DMXL1: variants seen among roughly 807,000 people sequenced by gnomAD.
DMXL1 encodes the protein Dmx like 1.
Under a neutral mutation model 319.2 loss-of-function variants are expected in DMXL1, and 99 were observed. The observed-to-expected ratio is 0.31, with a 90% CI of 0.26 to 0.37. The LOEUF is 0.37. DMXL1 is among the 10% of genes least tolerant of loss of function. DMXL1 has a pLI of 1.00. For missense variants in DMXL1, 3,745 were observed against 3,595.6 expected (o/e 1.04, Z -1.06); for synonymous variants, 1,385 against 1,235.2 (o/e 1.12, Z -2.54).
chr5:119,150,430 A>G lies in DMXL1; in HGVS notation c.4594+9A>G, dbSNP rs1175525698. ...CCGAGACAGAAGCCAAGGTAAAACT[A>G]AACTCCGTACTGATAACATTTTTAC... On this transcript the variant is annotated intron_variant, in intron 18 of 43. Transcript: ENST00000539542. The G allele has an allele frequency of 6.2e-7, 1 of 1,605,860 alleles. No homozygotes were observed. Among genetic ancestry groups the G allele is most frequent in the South Asian group, 1.1e-5 (1 of 89,846 alleles).
intron 38 of DMXL1, among the ~76,000 whole-genome samples, chr5:119,228,097 C>T (rs1156333124): frequency 6.6e-6 from 1 of 152,180 alleles, no homozygotes; most frequent in Non-Finnish European, 1.5e-5. Flanking sequence ...TATTCAGCCT[C>T]TCATACTTAA....
rs1053590683 is a variant in DMXL1 at position 119,175,149 on chromosome 5, A to C, written c.6682-112A>C. 1.0e-5 allele frequency: 7 copies of C among 680,318 alleles called. No homozygotes were observed. In the African/African-American group the frequency reaches 1.1e-4, roughly 11 times the overall value. 42.1% of individuals were successfully genotyped at this position (680,318 alleles called of 1,614,324 possible). ...AAAAAGGAAATAGTTCATGAAGGCAAAGAATCAAAAATTTTTTCATTCTTT... is the reference window on the plus strand; with the variant it reads ...AAAAAGGAAATAGTTCATGAAGGCACAGAATCAAAAATTTTTTCATTCTTT... On this transcript the variant is annotated intron_variant, in intron 25 of 43. Coordinates refer to ENST00000539542, the MANE Select transcript of DMXL1 (RefSeq NM_001290321.3).
At chr5:119,223,832 T>G (rs568661596) in intron 37 of DMXL1, among the ~76,000 whole-genome samples, 1 of 152,286 alleles carries the variant, frequency 6.6e-6, no homozygotes, top group East Asian at 1.9e-4. Context: ...TTTCTTTAAT[T>G]AAGAAGAACA....
chr5:119,085,270 G>A (rs936099587), intron 1 of DMXL1, among the ~76,000 whole-genome samples: 2 of 151,890 alleles, frequency 1.3e-5, no homozygotes, highest in African/African-American at 2.4e-5. Context: ...GGCAGAGGCT[G>A]CAGTGAACCA....
chr5:119,164,653 A>G lies in DMXL1; in HGVS notation c.4849A>G (p.Ile1617Val), dbSNP rs1012096607. Reference protein sequence around the residue: ...GVGWWVRNTRILRKCIEKVAK... With the variant: ...GVGWWVRNTRVLRKCIEKVAK... ...GGGGTGGTGGGTCCGGAATACCCGC[A>G]TCTTACGCAAATGCATAGAAAAAGT... The change falls in exon 20 of 44, where the codon ATC becomes GTC. Residue 1617 changes from isoleucine to valine, a missense_variant. Ile to Val is a conservative substitution (Grantham distance 29). Coordinates refer to ENST00000539542, the MANE Select transcript of DMXL1 (RefSeq NM_001290321.3). 5.6e-6 allele frequency: 9 copies of G among 1,601,846 alleles called. No homozygotes were observed. The highest frequency in any genetic ancestry group is 7.7e-6 in the Non-Finnish European group (9 of 1,172,394).
chr5:119,163,612 G>A (rs1437903769), intron 19 of DMXL1, among the ~76,000 whole-genome samples: 4 of 151,180 alleles, frequency 2.6e-5, no homozygotes, highest in East Asian at 1.9e-4. Context: ...TTTTGAAGAC[G>A]GAGTCTCACT....
intron 9 of DMXL1, among the ~76,000 whole-genome samples, chr5:119,123,008 G>C (rs1762552121): frequency 6.6e-6 from 1 of 152,146 alleles, no homozygotes; most frequent in African/African-American, 2.4e-5. Context: ...CTCCAGCCTG[G>C]GCACCATTGA....
chr5:119,130,035 CTG>C (rs1232808917), intron 10 of DMXL1, among the ~76,000 whole-genome samples: 18 of 151,932 alleles, frequency 1.2e-4, no homozygotes, highest in South Asian at 2.1e-4. Context: ...AAGTAAGAAA[CTG>C]TGGTGTGCAG....
At chr5:119,110,323 G>A in intron 5 of DMXL1, 40 bp downstream of exon 5, 1 of 1,466,008 alleles carries the variant, frequency 6.8e-7, no homozygotes, top group East Asian at 2.6e-5. Context: ...TAAACCTGTT[G>A]TTCTATGTGG....
intron 13 of DMXL1, among the ~76,000 whole-genome samples, chr5:119,135,623 G>T (rs554582374): frequency 3.3e-5 from 5 of 152,152 alleles, no homozygotes; most frequent in Admixed American, 2.0e-4. Flanking sequence ...TGGATCATGG[G>T]GGCAGTTCTC....
chr5:119,105,749 T>C (rs1449127500), intron 4 of DMXL1, among the ~76,000 whole-genome samples: 11 of 151,924 alleles, frequency 7.2e-5, no homozygotes, highest in Admixed American at 7.2e-4. Context: ...TACAAAAAAT[T>C]AGCTGGGCAT....
At chr5:119,111,966 A>AT (rs1293661654) in intron 5 of DMXL1, among the ~76,000 whole-genome samples, 6,624 of 147,924 alleles carry the variant, frequency 0.045, 319 homozygotes, top group African/African-American at 0.13. Context: ...TATTATCTTT[A>AT]TTTTTTTTTT....
chr5:119,178,119 C>T lies in DMXL1; in HGVS notation c.7010C>T (p.Thr2337Ile). Residue 2337 changes from threonine (T) to isoleucine (I), a missense_variant, in exon 28 of 44, where the codon ACA becomes ATA. By Grantham distance (89) the Thr-to-Ile change is moderately conservative. Coordinates refer to ENST00000539542, the MANE Select transcript of DMXL1 (RefSeq NM_001290321.3). ...AGTCTCTTCATCCATGGCCTGGCCA[C>T]ACATTCAAGTAATGAGCTATTTCGG... ...YLSLFIHGLA[T>I]HSSNELFRIV... The T allele has an allele frequency of 6.2e-7, 1 of 1,613,992 alleles. No individual in the cohort carries two copies. Among genetic ancestry groups the T allele is most frequent in the Non-Finnish European group, 8.5e-7 (1 of 1,179,880 alleles).
intron 14 of DMXL1, 73 bp downstream of exon 14, chr5:119,144,003 TTAATG>T: frequency 1.1e-6 from 1 of 930,828 alleles, no homozygotes; most frequent in African/African-American, 1.7e-5. Context: ...AATCTATATA[TTAATG>T]TAATTTGAAA....
At position 119,179,995 on chromosome 5, in the gene DMXL1, T is replaced by C. The variant is rs143117821; in HGVS notation, c.7135+1751T>C. On this transcript the variant is annotated intron_variant, in intron 28 of 43. Coordinates refer to ENST00000539542, the MANE Select transcript of DMXL1 (RefSeq NM_001290321.3). ...TCACAACTATTTAGTTCTGCCCTTGTAGCACAAAGGCAGCCATAGACCATT... is the reference window on the plus strand; with the variant it reads ...TCACAACTATTTAGTTCTGCCCTTGCAGCACAAAGGCAGCCATAGACCATT... Among the ~76,000 whole-genome samples the C allele has an allele frequency of 5.5e-3, 837 of 152,320 alleles. 11 individuals carry two copies. Among genetic ancestry groups the C allele is most frequent in the African/African-American group, 0.019 (792 of 41,576 alleles).
At chr5:119,130,379 G>T (rs1476806994) in intron 10 of DMXL1, among the ~76,000 whole-genome samples, 1 of 151,358 alleles carries the variant, frequency 6.6e-6, no homozygotes, top group Non-Finnish European at 1.5e-5. Context: ...GTCTTGCTCT[G>T]TCACCCAGGC....
Position 119,240,414 on chromosome 5 carries a change from T to C in DMXL1, c.8652-5T>C, listed in dbSNP as rs1561948797. 7.5e-6 allele frequency: 12 copies of C among 1,589,726 alleles called. No homozygotes were observed. The highest frequency in any genetic ancestry group is 3.5e-5 in the Admixed American group (2 of 56,422). Reference sequence around the variant, plus strand: ...CTCAGAAGTAATCTTTTTTTTTTTTTCCAGAAACGTATGTTTGTGGGATAC... The same window carrying C: ...CTCAGAAGTAATCTTTTTTTTTTTTCCCAGAAACGTATGTTTGTGGGATAC... On this transcript the variant is annotated splice_polypyrimidine_tract_variant and splice_region_variant and intron_variant, in intron 41 of 43. Transcript: ENST00000539542.
rs372297816 is a variant in DMXL1, at chr5:119,165,206, A to G, written c.4896A>G (p.Arg1632=). Residue 1632 remains arginine (R), a synonymous_variant, in exon 21 of 44, where the codon AGA becomes AGG. Coordinates refer to ENST00000539542, the MANE Select transcript of DMXL1 (RefSeq NM_001290321.3). ...AGGTAGCTAAAGCAGCCTTTTATAG[A>G]AAGAATGATCCTTTAGATGCTGCCA... ...IEKVAKAAFY[R]KNDPLDAAIF... is the part of the protein sequence containing the mutation. 28 of 1,600,522 alleles carry G rather than the reference A, an allele frequency of 1.7e-5. No homozygotes were observed. Among genetic ancestry groups the G allele is most frequent in the Admixed American group, 1.0e-4 (6 of 57,438 alleles).
At chr5:119,187,674 T>G (rs1435787536) in intron 28 of DMXL1, among the ~76,000 whole-genome samples, 1 of 152,216 alleles carries the variant, frequency 6.6e-6, no homozygotes, top group African/African-American at 2.4e-5. Context: ...TTGTTGTTGT[T>G]GTTTTTGAGA....
Sources: allele counts gnomAD v4.1 joint callset (sites outside exome capture counted in the v4.1 genomes callset), GRCh38; gene constraint gnomAD v4.1.1; transcripts MANE v1.5; gene names NCBI Gene and HGNC (gene_info 2026-07-23, HGNC 2026-07-21).